MAP2: variants seen among roughly 807,000 people sequenced by gnomAD.
MAP2 encodes microtubule associated protein 2.
Under a neutral mutation model 137.6 loss-of-function variants are expected in MAP2, and 14 were observed. That is an observed-to-expected ratio of 0.10 (90% CI 0.07 to 0.16). The LOEUF (loss-of-function observed/expected upper bound fraction) is 0.16, where lower values mean the gene tolerates loss of function less well. Among genes scored for constraint, MAP2 ranks in the 10% least tolerant of loss-of-function variants. MAP2 has a pLI of 1.00. For missense variants in MAP2, 2,088 were observed against 2,191.5 expected (o/e 0.95, Z 0.94); for synonymous variants, 786 against 782.3 (o/e 1.00, Z -0.08).
intron 3 of MAP2, among the ~76,000 whole-genome samples, chr2:209,614,955 A>G (rs2088634609): frequency 6.6e-6 from 1 of 152,182 alleles, no homozygotes; most frequent in South Asian, 2.1e-4. Flanking sequence ...TTTCATGCTA[A>G]AAGTAGATTT....
At chr2:209,662,170 T>G (rs1432294618) in intron 5 of MAP2, among the ~76,000 whole-genome samples, 2 of 152,248 alleles carry the variant, frequency 1.3e-5, no homozygotes, top group African/African-American at 4.8e-5. Flanking sequence ...CACTTCAAGT[T>G]GTGAAGAGCA....
intron 1 of MAP2, among the ~76,000 whole-genome samples, chr2:209,468,061 A>T: frequency 6.7e-6 from 1 of 149,990 alleles, no homozygotes. Context: ...AAGCCTGCTC[A>T]CTCCCTCAGC....
chr2:209,688,638 G>A (rs569084268), intron 7 of MAP2, among the ~76,000 whole-genome samples: 21 of 152,220 alleles, frequency 1.4e-4, no homozygotes, highest in African/African-American at 4.8e-4. Context: ...GCCTTATAAA[G>A]CTGGGAGACT....
At chr2:209,550,073 AT>A (rs557753007) in intron 2 of MAP2, among the ~76,000 whole-genome samples, 316 of 152,332 alleles carry the variant, frequency 2.1e-3, no homozygotes, top group Admixed American at 4.4e-3. Context: ...GGAAGCAAAC[AT>A]TTTGTTAATT....
chr2:209,495,879 T>A (rs902293116), intron 1 of MAP2, among the ~76,000 whole-genome samples: 3 of 152,248 alleles, frequency 2.0e-5, no homozygotes, highest in African/African-American at 7.2e-5. Context: ...TTGAAAGTTC[T>A]TCATTTTCAA....
intron 7 of MAP2, among the ~76,000 whole-genome samples, chr2:209,684,285 A>G (rs756256006): frequency 6.6e-5 from 10 of 152,190 alleles, no homozygotes; most frequent in Non-Finnish European, 1.5e-4. Context: ...TTCCTGTGTC[A>G]TGGATGTGGT....
intron 3 of MAP2, among the ~76,000 whole-genome samples, chr2:209,587,100 A>G (rs2077952100): frequency 6.6e-6 from 1 of 152,098 alleles, no homozygotes; most frequent in African/African-American, 2.4e-5. Flanking sequence ...ACGTGGTTCT[A>G]TATAACCCTG....
chr2:209,546,750 A>G (rs1247171123), intron 2 of MAP2, among the ~76,000 whole-genome samples: 1 of 152,244 alleles, frequency 6.6e-6, no homozygotes, highest in African/African-American at 2.4e-5. Flanking sequence ...CAGAAAAAGA[A>G]TCTATATGCA....
At position 209,691,036 on chromosome 2, in the gene MAP2, A is replaced by C. The variant is rs190337705; in HGVS notation, c.455-1589A>C. ...AGTGCTGTGTGGCAGCTGGTTTTCC[A>C]GTGCTGCAGCTGATTCCTGGTTTTC... is the stretch of plus-strand genomic sequence containing the variant. On this transcript the variant is annotated intron_variant, in intron 7 of 15. Coordinates refer to ENST00000682079, the MANE Select transcript of MAP2 (RefSeq NM_001375505.1). Among the ~76,000 whole-genome samples the C allele has an allele frequency of 4.0e-3, 609 of 152,316 alleles. 19 individuals are homozygous for C. The highest frequency in any genetic ancestry group is 0.039 in the Admixed American group (594 of 15,300).
intron 1 of MAP2, among the ~76,000 whole-genome samples, chr2:209,477,507 T>C (rs184722206): frequency 2.0e-5 from 3 of 152,312 alleles, no homozygotes; most frequent in African/African-American, 7.2e-5. Flanking sequence ...CCCTTTACAA[T>C]TGTCTTTAGT....
chr2:209,547,920 A>G (rs2068405939), intron 2 of MAP2, among the ~76,000 whole-genome samples: 1 of 152,224 alleles, frequency 6.6e-6, no homozygotes. Flanking sequence ...TCTTTTTACA[A>G]AAATGATAGT....
At position 209,483,236 on chromosome 2, in the gene MAP2, A is replaced by G. The variant is rs574851012; in HGVS notation, c.-221-24356A>G. ...GCTGTAATACATGTTGATCAAAGAC[A>G]ATTTGTGAATACAGAAAAATGAAAT... is the stretch of plus-strand genomic sequence containing the variant. On this transcript the variant is annotated intron_variant, in intron 1 of 15. Transcript: ENST00000682079. Among the ~76,000 whole-genome samples, 138 of 152,338 alleles carry G rather than the reference A, an allele frequency of 9.1e-4. No individual in the cohort carries two copies. The Middle Eastern group carries it at 0.017, about 19-fold the overall frequency.
At chr2:209,675,665 G>A (rs2051032139) in intron 5 of MAP2, among the ~76,000 whole-genome samples, 1 of 151,458 alleles carries the variant, frequency 6.6e-6, no homozygotes, top group African/African-American at 2.4e-5. Context: ...AATTCTCCAT[G>A]GATATCAAAA....
intron 11 of MAP2, chr2:209,705,368 C>T (rs1584091646): frequency 3.0e-6 from 1 of 337,066 alleles, no homozygotes; most frequent in East Asian, 4.7e-5. Context: ...GTTATTAGAA[C>T]TCCAAAATAA....
intron 7 of MAP2, 126 bp from the exon 8 acceptor site, chr2:209,692,499 G>C: frequency 1.0e-6 from 1 of 989,610 alleles, no homozygotes; most frequent in Non-Finnish European, 1.5e-6. Flanking sequence ...TGGGTAGCAT[G>C]CTTGCATGTT....
intron 1 of MAP2, among the ~76,000 whole-genome samples, chr2:209,500,328 T>C (rs910485345): frequency 6.6e-6 from 1 of 152,178 alleles, no homozygotes; most frequent in African/African-American, 2.4e-5. Flanking sequence ...ATTATTGCTC[T>C]TCTTATGGGT....
At chr2:209,610,092 G>A (rs2086284476) in intron 3 of MAP2, among the ~76,000 whole-genome samples, 1 of 152,086 alleles carries the variant, frequency 6.6e-6, no homozygotes, top group Admixed American at 6.6e-5. Flanking sequence ...GAGCTATAAA[G>A]AAGACATTGG....
chr2:209,562,551 G>A (rs2072384620), intron 2 of MAP2, among the ~76,000 whole-genome samples: 1 of 152,094 alleles, frequency 6.6e-6, no homozygotes, highest in African/African-American at 2.4e-5. Flanking sequence ...ACAAAAATTA[G>A]CCAGGTGTGG....
At chr2:209,633,455 C>G (rs1024847470) in intron 4 of MAP2, among the ~76,000 whole-genome samples, 1 of 152,010 alleles carries the variant, frequency 6.6e-6, no homozygotes, top group East Asian at 1.9e-4. Context: ...CCATGTTATT[C>G]GATTTTAAAC....
Sources: gnomAD v4.1 joint callset for allele counts (sites outside exome capture counted in the v4.1 genomes callset) on GRCh38, gnomAD v4.1.1 for gene constraint, MANE v1.5 for transcripts, NCBI Gene and HGNC (gene_info 2026-07-23, HGNC 2026-07-21) for gene names.